PARD3: variants seen among roughly 807,000 people sequenced by gnomAD.
PARD3 encodes the protein par-3 family cell polarity regulator.
In PARD3, 75 loss-of-function variants were observed where a neutral mutation model predicts 155.4. The ratio of observed to expected loss-of-function variants is 0.48; its 90% CI spans 0.40 to 0.58. The LOEUF (loss-of-function observed/expected upper bound fraction) is 0.58, where lower values mean the gene tolerates loss of function less well. Among genes scored for constraint, PARD3 ranks in the 20% least tolerant of loss-of-function variants. The pLI, the probability that PARD3 is intolerant of heterozygous loss-of-function variation, is 0.00. For synonymous variants in PARD3, 576 were observed against 610.5 expected (o/e 0.94, Z 0.83); for missense variants, 1,642 against 1,721.7 (o/e 0.95, Z 0.82).
intron 1 of PARD3, among the ~76,000 whole-genome samples, chr10:34,756,460 C>CTTT (rs372775963): frequency 1.8e-5 from 2 of 109,574 alleles, no homozygotes; most frequent in Admixed American, 1.2e-4. Flanking sequence ...GCCAATGCAC[C>CTTT]TTTTTTTTTT....
Position 34,662,871 on chromosome 10 carries a change from GA to G in PARD3, c.222+33446del, listed in dbSNP as rs568672135. ...TGGGTGACAGTGAGAAACTGTCTCAGAAAAAAAAAAAAAAAGAATCAAACTG... is the reference window on the plus strand; with the variant it reads ...TGGGTGACAGTGAGAAACTGTCTCAGAAAAAAAAAAAAAAGAATCAAACTG... On this transcript the variant is annotated intron_variant, in intron 2 of 24. Transcript: ENST00000374788. Among the ~76,000 whole-genome samples, 1,198 of 123,536 alleles carry G rather than the reference GA, an allele frequency of 9.7e-3. 21 individuals carry two copies. The highest frequency in any genetic ancestry group is 0.031 in the African/African-American group (1,025 of 33,010). The allele number at this position is 123,536 out of a possible 152,430, so 81.0% of individuals were successfully genotyped here. A position where few individuals can be genotyped will look rare whatever the true frequency, so the allele number is the denominator to read the frequency against.
chr10:34,776,965 T>C (rs1839641922), intron 1 of PARD3, among the ~76,000 whole-genome samples: 3 of 150,548 alleles, frequency 2.0e-5, no homozygotes, highest in Non-Finnish European at 3.0e-5. Context: ...GCCTCCTGAA[T>C]AGCTGGACTT....
chr10:34,241,431 C>T (rs373244266), intron 22 of PARD3, among the ~76,000 whole-genome samples: 184 of 152,078 alleles, frequency 1.2e-3, no homozygotes, highest in African/African-American at 3.9e-3. Flanking sequence ...GTGGTCCTGG[C>T]GGGCCTCAGC....
chr10:34,312,401 A>G, intron 20 of PARD3: 1 of 1,612,182 alleles, frequency 6.2e-7, no homozygotes, highest in South Asian at 1.1e-5. Flanking sequence ...GAGACACGGT[A>G]CAGACACACA....
intron 2 of PARD3, among the ~76,000 whole-genome samples, chr10:34,683,218 T>C (rs1185735329): frequency 1.3e-5 from 2 of 152,088 alleles, no homozygotes; most frequent in East Asian, 1.9e-4. Flanking sequence ...ATGGAAACGA[T>C]GGACACTGGC....
intron 23 of PARD3, 88 bp from the exon 24 acceptor site, chr10:34,119,828 T>TCGAAA: frequency 8.2e-7 from 1 of 1,225,420 alleles, no homozygotes; most frequent in Non-Finnish European, 1.1e-6. Context: ...TTCTTATGAA[T>TCGAAA]TGACTTTGAA....
intron 1 of PARD3, among the ~76,000 whole-genome samples, chr10:34,791,484 G>A (rs758837097): frequency 7.2e-5 from 11 of 152,146 alleles, no homozygotes; most frequent in Non-Finnish European, 1.2e-4. Context: ...ACAAGCTCCT[G>A]AGCTCCTCCA....
intron 2 of PARD3, among the ~76,000 whole-genome samples, chr10:34,566,723 T>G (rs1347251141): frequency 1.3e-5 from 2 of 152,250 alleles, no homozygotes; most frequent in Admixed American, 1.3e-4. Context: ...CTTATAGAGT[T>G]CTATCTAGAT....
chr10:34,270,299 C>T (rs750724292), intron 21 of PARD3, among the ~76,000 whole-genome samples: 9 of 152,128 alleles, frequency 5.9e-5, no homozygotes, highest in East Asian at 1.9e-4. Flanking sequence ...TGCACCACCA[C>T]GCCTGGCTAA....
chr10:34,335,204 A>C (rs773086564), intron 18 of PARD3, among the ~76,000 whole-genome samples: 1 of 151,978 alleles, frequency 6.6e-6, no homozygotes, highest in African/African-American at 2.4e-5. Flanking sequence ...AATACAGTTA[A>C]TCTTATGATT....
intron 22 of PARD3, among the ~76,000 whole-genome samples, chr10:34,177,751 CG>C (rs1329780722): frequency 6.6e-6 from 1 of 152,172 alleles, no homozygotes; most frequent in Non-Finnish European, 1.5e-5. Flanking sequence ...ACATCACAGG[CG>C]CTTTAAAGAC....
chr10:34,279,568 T>C (rs1956066787), intron 21 of PARD3, among the ~76,000 whole-genome samples: 2 of 152,156 alleles, frequency 1.3e-5, no homozygotes, highest in South Asian at 2.1e-4. Context: ...GTGATCTAAA[T>C]GCAAAGATTA....
At chr10:34,565,260 CTTTTTTTTTTTT>C (rs59606413) in intron 2 of PARD3, among the ~76,000 whole-genome samples, 9 of 39,670 alleles carry the variant, frequency 2.3e-4, no homozygotes, top group East Asian at 8.6e-4. Context: ...AGGAGCAAGG[CTTTTTTTTTTTT>C]TTTTTTTTTT....
intron 16 of PARD3, among the ~76,000 whole-genome samples, chr10:34,339,459 T>C (rs1417545835): frequency 6.6e-6 from 1 of 152,202 alleles, no homozygotes; most frequent in Admixed American, 6.5e-5. Context: ...AAATAAATTG[T>C]TGGTAAAAGA....
chr10:34,373,181 A>C (rs1397782214), intron 11 of PARD3, among the ~76,000 whole-genome samples: 1 of 152,112 alleles, frequency 6.6e-6, no homozygotes, highest in Non-Finnish European at 1.5e-5. Context: ...CCCTCCCTTT[A>C]AATTTTCAGG....
chr10:34,720,426 G>C (rs1268802446), intron 1 of PARD3, among the ~76,000 whole-genome samples: 1 of 134,752 alleles, frequency 7.4e-6, no homozygotes, highest in Non-Finnish European at 1.5e-5. Context: ...ACTATAGCCT[G>C]GGCAACAGAG....
At chr10:34,788,450 CT>C (rs568326379) in intron 1 of PARD3, among the ~76,000 whole-genome samples, 13 of 142,430 alleles carry the variant, frequency 9.1e-5, no homozygotes, top group Non-Finnish European at 1.4e-4. Flanking sequence ...AGGTCCAGTT[CT>C]TTTTTTTTTT....
intron 22 of PARD3, among the ~76,000 whole-genome samples, chr10:34,168,308 C>T (rs1441516794): frequency 1.3e-5 from 2 of 152,166 alleles, no homozygotes; most frequent in African/African-American, 2.4e-5. Flanking sequence ...CACTCCCTTG[C>T]TGCGTACTTT....
chr10:34,232,118 C>T (rs1289332590), intron 22 of PARD3, among the ~76,000 whole-genome samples: 1 of 152,062 alleles, frequency 6.6e-6, no homozygotes, highest in Non-Finnish European at 1.5e-5. Flanking sequence ...AGAGCAGAGT[C>T]AGAGGTTAAT....
Sources: allele counts gnomAD v4.1 joint callset (sites outside exome capture counted in the v4.1 genomes callset), GRCh38; gene constraint gnomAD v4.1.1; transcripts MANE v1.5; gene names NCBI Gene and HGNC (gene_info 2026-07-23, HGNC 2026-07-21).